Variants in TMPRSS15 observed in about 807,000 individuals in gnomAD.
TMPRSS15 encodes transmembrane serine protease 15.
In TMPRSS15, 128 loss-of-function variants were observed where a neutral mutation model predicts 125.3. That is an observed-to-expected ratio of 1.02 (90% CI 0.89 to 1.18). TMPRSS15 has a LOEUF of 1.18. TMPRSS15 is among the 50% of genes most tolerant of loss of function. The pLI is 0.00. For synonymous variants in TMPRSS15, 446 were observed against 423.2 expected (o/e 1.05, Z -0.66); for missense variants, 1,283 against 1,212.7 (o/e 1.06, Z -0.86).
chr21:18,339,475 G>A (rs560715985), intron 13 of TMPRSS15, among the ~76,000 whole-genome samples: 17 of 152,128 alleles, frequency 1.1e-4, no homozygotes, highest in Non-Finnish European at 2.2e-4. Context: ...TATAGTTTTG[G>A]AAGTAAACCA....
chr21:18,276,966 A>C (rs1568976507), intron 23 of TMPRSS15, among the ~76,000 whole-genome samples: 1 of 151,670 alleles, frequency 6.6e-6, no homozygotes, highest in Admixed American at 6.6e-5. Context: ...GGGTTTCACC[A>C]TGTTGGCCAG....
chr21:18,457,825 C>A (rs1978471715), intron 1 of TMPRSS15, among the ~76,000 whole-genome samples: 1 of 152,114 alleles, frequency 6.6e-6, no homozygotes, highest in African/African-American at 2.4e-5. Context: ...AATAGATGGA[C>A]ACATAATTGA....
intron 6 of TMPRSS15, among the ~76,000 whole-genome samples, chr21:18,370,489 T>G (rs1425063939): frequency 6.6e-6 from 1 of 152,204 alleles, no homozygotes; most frequent in African/African-American, 2.4e-5. Flanking sequence ...GCATCACCTT[T>G]GTTACCTCAT....
At chr21:18,273,059 C>T (rs1205642213) in intron 24 of TMPRSS15, among the ~76,000 whole-genome samples, 1 of 152,154 alleles carries the variant, frequency 6.6e-6, no homozygotes, top group East Asian at 1.9e-4. Context: ...AGCAGGTTCT[C>T]AGGTGGTGCT....
chr21:18,340,765 C>A (rs1427702131), intron 13 of TMPRSS15, among the ~76,000 whole-genome samples: 1 of 152,140 alleles, frequency 6.6e-6, no homozygotes. Context: ...GCACCCTCCC[C>A]AAAGACTACA....
chr21:18,326,253 C>T (rs1039821350), intron 16 of TMPRSS15, among the ~76,000 whole-genome samples, 179 bp downstream of exon 16: 7 of 152,068 alleles, frequency 4.6e-5, no homozygotes, highest in South Asian at 2.1e-4. Flanking sequence ...CTACTTTGAA[C>T]GAACTCAGGT....
At chr21:18,332,198 C>G in intron 13 of TMPRSS15, 25 bp from the exon 14 acceptor site, 1 of 1,572,256 alleles carries the variant, frequency 6.4e-7, no homozygotes. Context: ...AATGGGAAAT[C>G]ATCAGTAATA....
intron 6 of TMPRSS15, among the ~76,000 whole-genome samples, chr21:18,369,333 T>C (rs1035978822): frequency 5.3e-5 from 8 of 152,296 alleles, no homozygotes; most frequent in Non-Finnish European, 8.8e-5. Flanking sequence ...ATTATGCATA[T>C]ACACGTGAGG....
intron 23 of TMPRSS15, among the ~76,000 whole-genome samples, chr21:18,278,502 G>A (rs1745526632): frequency 6.6e-6 from 1 of 152,140 alleles, no homozygotes; most frequent in Non-Finnish European, 1.5e-5. Flanking sequence ...GGCGGATCAC[G>A]AGGTCAGGAG....
intron 1 of TMPRSS15, among the ~76,000 whole-genome samples, chr21:18,459,390 C>T (rs974796031): frequency 6.6e-6 from 1 of 152,006 alleles, no homozygotes; most frequent in African/African-American, 2.4e-5. Context: ...TCTCATGACT[C>T]AGCCTCTCGA....
At chr21:18,292,075 C>G (rs2074843539) in intron 21 of TMPRSS15, among the ~76,000 whole-genome samples, 1 of 152,120 alleles carries the variant, frequency 6.6e-6, no homozygotes, top group Admixed American at 6.5e-5. Context: ...AATGGAAAGT[C>G]CAAATGTATC....
At chr21:18,330,998 G>A (rs986039537) in intron 14 of TMPRSS15, among the ~76,000 whole-genome samples, 4 of 151,058 alleles carry the variant, frequency 2.6e-5, no homozygotes, top group African/African-American at 4.9e-5. Flanking sequence ...GCGTGAACCC[G>A]GGAGGCGGAG....
chr21:18,401,937 C>T (rs1000798866), intron 1 of TMPRSS15, among the ~76,000 whole-genome samples: 1 of 151,794 alleles, frequency 6.6e-6, no homozygotes, highest in Non-Finnish European at 1.5e-5. Context: ...CTTTCAAATG[C>T]TTATAGATCC....
Position 18,329,209 on chromosome 21 carries a change from A to C in TMPRSS15, c.1740T>G (p.Val580=). The change falls in exon 15 of 25, where the codon GTT becomes GTG. Residue 580 remains valine (V), a synonymous_variant. Transcript: ENST00000284885. Reference sequence around the variant, plus strand: ...CAGCTTCTTCACCATCTCTTATTTCAACTACATCGTTAATATTTTCTAAGT... The same window carrying C: ...CAGCTTCTTCACCATCTCTTATTTCCACTACATCGTTAATATTTTCTAAGT... The part of the protein sequence containing the change: ...EFDLENINDV[V]EIRDGEEADS... 6.2e-7 allele frequency: 1 copy of C among 1,612,698 alleles called. No individual in the cohort carries two copies. Among genetic ancestry groups the C allele is most frequent in the Non-Finnish European group, 8.5e-7 (1 of 1,179,054 alleles).
chr21:18,446,549 A>T (rs1419181198), intron 1 of TMPRSS15, among the ~76,000 whole-genome samples: 1 of 152,224 alleles, frequency 6.6e-6, no homozygotes, highest in East Asian at 1.9e-4. Flanking sequence ...ACTTTAAAAT[A>T]TACTACAAAG....
rs148759427 is a variant in TMPRSS15 at position 18,444,621 on chromosome 21, C to T, written c.10+41178G>A. Among the ~76,000 whole-genome samples, 17 of 152,158 alleles carry T rather than the reference C, an allele frequency of 1.1e-4. No individual in the cohort carries two copies. In the East Asian group the frequency reaches 3.1e-3, roughly 28 times the overall value. ...CACGTTGTGCACATGTACCCTAGAA[C>T]TTAAAGTATAAAAATTAAAAAAAAA... is the stretch of plus-strand genomic sequence containing the variant. On this transcript the variant is annotated intron_variant, in intron 1 of 7. Transcript: ENST00000422787.
intron 1 of TMPRSS15, among the ~76,000 whole-genome samples, chr21:18,476,872 G>A (rs750837965): frequency 2.6e-5 from 4 of 151,704 alleles, no homozygotes; most frequent in Non-Finnish European, 5.9e-5. Context: ...GCTGGTCAGT[G>A]CAGTGAGTGG....
intron 1 of TMPRSS15, among the ~76,000 whole-genome samples, chr21:18,432,028 A>G (rs758873930): frequency 2.7e-4 from 41 of 152,158 alleles, no homozygotes; most frequent in Non-Finnish European, 5.7e-4. Flanking sequence ...TCTTACATTT[A>G]TCTTCATCTT....
chr21:18,472,478 TATAC>T (rs1036539464), intron 1 of TMPRSS15, among the ~76,000 whole-genome samples: 18 of 131,140 alleles, frequency 1.4e-4, no homozygotes, highest in African/African-American at 1.9e-4. Context: ...TATATATATA[TATAC>T]ACACACACAC....
Sources: gnomAD v4.1 joint callset for allele counts (sites outside exome capture counted in the v4.1 genomes callset) on GRCh38, gnomAD v4.1.1 for gene constraint, MANE v1.5 for transcripts, NCBI Gene and HGNC (gene_info 2026-07-23, HGNC 2026-07-21) for gene names.